The following OXSR1 variants were observed in gnomAD, a reference collection of about 807,000 sequenced individuals.
The protein encoded by OXSR1 is oxidative stress responsive kinase 1.
OXSR1 carries 24 observed loss-of-function variants against 79.8 expected under a neutral mutation model. That is an observed-to-expected ratio of 0.30 (90% CI 0.22 to 0.42). The LOEUF (loss-of-function observed/expected upper bound fraction) is 0.42, where lower values mean the gene tolerates loss of function less well. Among genes scored for constraint, OXSR1 ranks in the 10% least tolerant of loss-of-function variants. The probability of loss-of-function intolerance (pLI) is 1.00; values close to 1 mark genes in which losing one functional copy is unlikely to be tolerated. For synonymous variants in OXSR1, 226 were observed against 209.2 expected, an observed-to-expected ratio of 1.08 and a Z score of -0.69; for missense variants, 430 against 618.4, an observed-to-expected ratio of 0.70 and a Z score of 3.23.
intron 8 of OXSR1, among the ~76,000 whole-genome samples, chr3:38,227,547 A>G (rs900664532): frequency 5.0e-5 from 2 of 40,104 alleles, no homozygotes; most frequent in Non-Finnish European, 4.9e-5. Flanking sequence ...ATGCACATCC[A>G]CACACACACA....
intron 11 of OXSR1, among the ~76,000 whole-genome samples, chr3:38,238,669 T>C (rs1157171498): frequency 6.6e-6 from 1 of 152,084 alleles, no homozygotes; most frequent in African/African-American, 2.4e-5. Flanking sequence ...ACTGAGAAAT[T>C]TTGTGACATT....
chr3:38,252,294 T>G (rs771118309), intron 16 of OXSR1, 34 bp from the exon 17 acceptor site: 1 of 1,445,000 alleles, frequency 6.9e-7, no homozygotes, highest in South Asian at 1.1e-5. Flanking sequence ...ATGTAACTTC[T>G]CATTCATTAC....
chr3:38,173,242 T>G (rs1701616793), intron 1 of OXSR1, among the ~76,000 whole-genome samples: 1 of 152,220 alleles, frequency 6.6e-6, no homozygotes, highest in Non-Finnish European at 1.5e-5. Context: ...GTATGTTTGC[T>G]AAGCAACTAA....
chr3:38,244,206 A>G (rs980355002), intron 12 of OXSR1, among the ~76,000 whole-genome samples: 7 of 152,104 alleles, frequency 4.6e-5, no homozygotes, highest in African/African-American at 1.7e-4. Flanking sequence ...TCCTTTGCCT[A>G]AATATCATCT....
Position 38,187,778 on chromosome 3 carries a change from G to GTC in OXSR1, c.184-2950_184-2949dup, listed in dbSNP as rs1701910370. Among the ~76,000 whole-genome samples, 8 of 152,154 alleles carry GTC rather than the reference G, an allele frequency of 5.3e-5. No individual in the cohort carries two copies. The South Asian group carries it at 1.7e-3, about 32-fold the overall frequency. ...AATTTATTTTTTAAATAGAGGCGGAGTCTCACTCTGTTGCCCAGGCTGGTC... is the reference window on the plus strand; with the variant it reads ...AATTTATTTTTTAAATAGAGGCGGAGTCTCTCACTCTGTTGCCCAGGCTGGTC... On this transcript the variant is annotated intron_variant, in intron 2 of 17. Transcript: ENST00000311806.
chr3:38,223,764 A>G (rs974948265), intron 6 of OXSR1, 48 bp from the exon 7 acceptor site: 1 of 1,405,532 alleles, frequency 7.1e-7, no homozygotes, highest in Non-Finnish European at 1.0e-6. Flanking sequence ...CTAACTTTTA[A>G]AAGTCCTTTT....
intron 7 of OXSR1, 64 bp from the exon 8 acceptor site, chr3:38,224,507 T>C (rs142974046): frequency 7.4e-7 from 1 of 1,348,576 alleles, no homozygotes; most frequent in East Asian, 2.5e-5. Context: ...TGAAAAATCT[T>C]GACCACAATA....
chr3:38,254,136 T>C lies in OXSR1; in HGVS notation c.*1245T>C. The C allele has an allele frequency of 2.5e-6, 1 of 398,766 alleles. No homozygotes were observed. Among genetic ancestry groups the C allele is most frequent in the East Asian group, 3.6e-5 (1 of 28,062 alleles). 24.7% of individuals were successfully genotyped at this position (398,766 alleles called of 1,614,324 possible). On this transcript the variant is annotated 3_prime_UTR_variant, in exon 18 of 18. Coordinates refer to ENST00000311806, the MANE Select transcript of OXSR1 (RefSeq NM_005109.3). ...CTGCTAGTAACCCTACCGAGTTTTA[T>C]ATATGAGTGGGATACTCAATCTGGC...
At chr3:38,180,858 T>A (rs1274328290) in intron 1 of OXSR1, among the ~76,000 whole-genome samples, 1 of 152,058 alleles carries the variant, frequency 6.6e-6, no homozygotes, top group Non-Finnish European at 1.5e-5. Context: ...TTCCATTGTC[T>A]CATCTCCTCT....
rs747572166 is a variant in OXSR1, at chr3:38,247,750, GTTTTGTTTTC to G, written c.1322+30_1322+39del. ...AGATTAAGGTAAGTAGACATTTTTTGTTTTGTTTTCTTTTGTTTTCTGAATATTCTGCATG... is the reference window on the plus strand; with the variant it reads ...AGATTAAGGTAAGTAGACATTTTTTGTTTTGTTTTCTGAATATTCTGCATG... On this transcript the variant is annotated intron_variant, in intron 14 of 17. Coordinates refer to ENST00000311806, the MANE Select transcript of OXSR1 (RefSeq NM_005109.3). 19 of 1,562,506 alleles carry G rather than the reference GTTTTGTTTTC, an allele frequency of 1.2e-5. No homozygotes were observed. The highest frequency in any genetic ancestry group is 4.5e-5 in the East Asian group (2 of 44,526).
chr3:38,236,853 A>G lies in OXSR1; in HGVS notation c.966A>G (p.Pro322=). The part of the protein sequence containing the change: ...SERAKKVRRV[P]GSSGRLHKTE... ...CTAATGAGCAGGTTCGGAGAGTACC[A>G]GGTTCCAGTGGGCGTCTTCATAAGA... Residue 322 remains proline, a synonymous_variant, in exon 11 of 18, where the codon CCA becomes CCG. Coordinates refer to ENST00000311806, the MANE Select transcript of OXSR1 (RefSeq NM_005109.3). 6.2e-7 allele frequency: 1 copy of G among 1,611,688 alleles called. No individual in the cohort carries two copies. The highest frequency in any genetic ancestry group is 8.5e-7 in the Non-Finnish European group (1 of 1,178,458).
chr3:38,219,764 T>C (rs1702550892), intron 5 of OXSR1, among the ~76,000 whole-genome samples: 1 of 144,762 alleles, frequency 6.9e-6, no homozygotes. Flanking sequence ...GGTTTAGGAG[T>C]ATTGAAAACT....
At chr3:38,208,992 G>T (rs540256166) in intron 4 of OXSR1, among the ~76,000 whole-genome samples, 1 of 152,110 alleles carries the variant, frequency 6.6e-6, no homozygotes, top group Non-Finnish European at 1.5e-5. Flanking sequence ...GTGTGCGCGC[G>T]CGCGTGCGCG....
Position 38,253,098 on chromosome 3 carries a change from A to C in OXSR1, c.*207A>C. The C allele has an allele frequency of 1.8e-6, 1 of 568,598 alleles. No individual in the cohort carries two copies. The allele number at this position is 568,598 out of a possible 1,614,324, so 35.2% of individuals were successfully genotyped here. On this transcript the variant is annotated 3_prime_UTR_variant, in exon 18 of 18. Transcript: ENST00000311806. ...GATCACTAGTGGCCAGCATCCCCAG[A>C]GTTCCGTTAGTAAACTTACTTCATA...
intron 5 of OXSR1, among the ~76,000 whole-genome samples, chr3:38,217,273 G>A (rs758802060): frequency 6.6e-6 from 1 of 152,136 alleles, no homozygotes. Context: ...ACTAATTGTT[G>A]GTGTGGGTAT....
At chr3:38,230,769 C>T (rs1421265245) in intron 10 of OXSR1, 2 of 195,512 alleles carry the variant, frequency 1.0e-5, no homozygotes, top group Non-Finnish European at 2.1e-5. Context: ...CTCTTTGGAA[C>T]TCCAAATTTT....
At chr3:38,205,214 C>T (rs1559511405) in intron 4 of OXSR1, among the ~76,000 whole-genome samples, 1 of 152,182 alleles carries the variant, frequency 6.6e-6, no homozygotes, top group Non-Finnish European at 1.5e-5. Flanking sequence ...ATTAGTGTCT[C>T]TAACAGTGAT....
At chr3:38,210,329 C>T (rs909910589) in intron 4 of OXSR1, among the ~76,000 whole-genome samples, 2 of 152,068 alleles carry the variant, frequency 1.3e-5, no homozygotes, top group South Asian at 2.1e-4. Context: ...TTTCCCTTCC[C>T]GTAGATGGGT....
intron 11 of OXSR1, among the ~76,000 whole-genome samples, chr3:38,240,198 A>G (rs940224267): frequency 2.6e-5 from 4 of 152,186 alleles, no homozygotes; most frequent in African/African-American, 9.6e-5. Context: ...GGGGAAAGAA[A>G]ACTTAAGACA....
Sources: allele counts gnomAD v4.1 joint callset (sites outside exome capture counted in the v4.1 genomes callset), GRCh38; gene constraint gnomAD v4.1.1; transcripts MANE v1.5; gene names NCBI Gene and HGNC (gene_info 2026-07-23, HGNC 2026-07-21).